The following KCNQ1 variants were observed in gnomAD, a reference collection of about 807,000 sequenced individuals.
The protein encoded by KCNQ1 is potassium voltage-gated channel subfamily KQT member 1.
In KCNQ1, 49 loss-of-function variants were observed where a neutral mutation model predicts 72.4. The observed-to-expected ratio is 0.68, with a 90% CI of 0.54 to 0.86. The LOEUF is 0.86. Among genes scored for constraint, KCNQ1 ranks in the 40% least tolerant of loss-of-function variants. The pLI, the probability that KCNQ1 is intolerant of heterozygous loss-of-function variation, is 0.00. For missense variants in KCNQ1, 790 were observed against 945.1 expected (o/e 0.84, Z 2.15); for synonymous variants, 450 against 412.6 (o/e 1.09, Z -1.10).
rs1170025006 is a variant in KCNQ1 at position 2,830,095 on chromosome 11, GCT to G, written c.1795-17669_1795-17668del. On this transcript the variant is annotated intron_variant, in intron 15 of 15. Transcript: ENST00000155840. This position sits in a 1 kb window ranked among gnomAD's most constrained non-coding sequence, Gnocchi z 7.7. ...AGAGAAGGAAGAGATTGGCCAAGGA[GCT>G]CTGAGAGGGGAAGGTGGGTGCATGC... Among the ~76,000 whole-genome samples, 3 of 151,432 alleles carry G rather than the reference GCT, an allele frequency of 2.0e-5. No individual in the cohort carries two copies. The highest frequency in any genetic ancestry group is 7.3e-5 in the African/African-American group (3 of 41,176).
intron 15 of KCNQ1, among the ~76,000 whole-genome samples, chr11:2,805,015 G>A (rs1847344812): frequency 1.3e-5 from 2 of 152,174 alleles, no homozygotes; most frequent in African/African-American, 2.4e-5. Context: ...AGGCCCCCGG[G>A]GTAAAAATGA....
chr11:2,502,879 CAT>C (rs1404451591), intron 1 of KCNQ1, among the ~76,000 whole-genome samples: 4 of 152,122 alleles, frequency 2.6e-5, no homozygotes, highest in African/African-American at 9.7e-5. Flanking sequence ...CAAACAAATC[CAT>C]ATGTCTACGA....
rs1474116838 is a variant in KCNQ1 at position 2,559,161 on chromosome 11, T to C, written c.478-11467T>C. On this transcript the variant is annotated intron_variant, in intron 2 of 15. Transcript: ENST00000155840. This position sits in a 1 kb window ranked among gnomAD's most constrained non-coding sequence, Gnocchi z 4.9. ...AAGGAGTGTCCCTTGAGCAAAATAT[T>C]GCACTTTCGTTGCTCTCTGAAAGCC... Among the ~76,000 whole-genome samples, 2 of 152,048 alleles carry C rather than the reference T, an allele frequency of 1.3e-5. No homozygotes were observed. The highest frequency in any genetic ancestry group is 4.8e-5 in the African/African-American group (2 of 41,424).
intron 11 of KCNQ1, among the ~76,000 whole-genome samples, chr11:2,718,315 C>T (rs1369935433): frequency 6.6e-6 from 1 of 152,214 alleles, no homozygotes; most frequent in Non-Finnish European, 1.5e-5. Flanking sequence ...CACACTCCAT[C>T]CCTAGCCCCA....
chr11:2,578,105 G>A (rs978686859), intron 6 of KCNQ1, among the ~76,000 whole-genome samples: 5 of 152,242 alleles, frequency 3.3e-5, no homozygotes, highest in Admixed American at 3.3e-4. Context: ...TCTGCAAGGG[G>A]CACCAAAGCA....
chr11:2,845,686 A>G lies in KCNQ1; in HGVS notation c.1795-2081A>G, dbSNP rs547311538. Among the ~76,000 whole-genome samples, 62 of 152,284 alleles carry G rather than the reference A, an allele frequency of 4.1e-4. 1 individual carries two copies. The South Asian group carries it at 0.011, about 27-fold the overall frequency. ...ACTCACCCCATACCTGCAAGGCAGA[A>G]CCACAGGGGAGCCAGGGAGCCTCCA... On this transcript the variant is annotated intron_variant, in intron 15 of 15. Coordinates refer to ENST00000155840, the MANE Select transcript of KCNQ1 (RefSeq NM_000218.3).
At chr11:2,519,110 G>A (rs1181345323) in intron 1 of KCNQ1, among the ~76,000 whole-genome samples, 1 of 152,246 alleles carries the variant, frequency 6.6e-6, no homozygotes, top group East Asian at 1.9e-4. Flanking sequence ...TGGTTGGGGG[G>A]CAGCTGTTGC....
In KCNQ1 at chr11:2,832,531, C is replaced by T. The variant is rs376151941; in HGVS notation, c.1795-15236C>T. Among the ~76,000 whole-genome samples, 19 of 152,352 alleles carry T rather than the reference C, an allele frequency of 1.2e-4. No homozygotes were observed. The East Asian group carries it at 1.5e-3, about 12-fold the overall frequency. On this transcript the variant is annotated intron_variant, in intron 15 of 15. Transcript: ENST00000155840. Reference sequence around the variant, plus strand: ...CTACTGCAAGATCAGGGAGATGGGACGCAGTCCCCGCCCATGCCCAGGGCC... The same window carrying T: ...CTACTGCAAGATCAGGGAGATGGGATGCAGTCCCCGCCCATGCCCAGGGCC...
chr11:2,743,388 C>G (rs113735420), intron 11 of KCNQ1, among the ~76,000 whole-genome samples: 3 of 152,338 alleles, frequency 2.0e-5, no homozygotes, highest in Non-Finnish European at 4.4e-5. Context: ...TCAGAGCAGG[C>G]CCACCACCCA....
rs975967585 is a variant in KCNQ1 at position 2,766,226 on chromosome 11, G to T, written c.1515-2618G>T. Among the ~76,000 whole-genome samples, 1 of 152,178 alleles carries T rather than the reference G, an allele frequency of 6.6e-6. No homozygotes were observed. Among genetic ancestry groups the T allele is most frequent in the African/African-American group, 2.4e-5 (1 of 41,434 alleles). On this transcript the variant is annotated intron_variant, in intron 11 of 15. Coordinates refer to ENST00000155840, the MANE Select transcript of KCNQ1 (RefSeq NM_000218.3). This position sits in a 1 kb window ranked among gnomAD's most constrained non-coding sequence, Gnocchi z 4.4. Reference sequence around the variant, plus strand: ...CTTCATCTAAATATTCTGAAGCAAAGCACAATCATCTGTTAGCTCACAAAT... The same window carrying T: ...CTTCATCTAAATATTCTGAAGCAAATCACAATCATCTGTTAGCTCACAAAT...
chr11:2,529,172 A>G (rs1847566705), intron 2 of KCNQ1, among the ~76,000 whole-genome samples: 1 of 152,182 alleles, frequency 6.6e-6, no homozygotes, highest in Non-Finnish European at 1.5e-5. Context: ...CCAGACGTCC[A>G]GAGGCAGTAG....
intron 10 of KCNQ1, chr11:2,631,446 A>G (rs777123733): frequency 1.3e-5 from 5 of 397,018 alleles, no homozygotes; most frequent in Admixed American, 8.9e-5. Flanking sequence ...TAGGATTTCT[A>G]TTTCTTTATT....
In KCNQ1 at chr11:2,651,333, A is replaced by C; in HGVS notation, c.1394-10628A>C. On this transcript the variant is annotated intron_variant, in intron 10 of 15. Coordinates refer to ENST00000155840, the MANE Select transcript of KCNQ1 (RefSeq NM_000218.3). The surrounding 1 kb of genome is among the most constrained non-coding windows in gnomAD (Gnocchi z 6.1). ...CACAGAACACTCCTCAGAGTTCTAC[A>C]AGCGGCTGAGAGAGCTGGGGTATTT... 1 of 398,744 alleles carries C rather than the reference A, an allele frequency of 2.5e-6. No individual in the cohort carries two copies. The highest frequency in any genetic ancestry group is 4.4e-6 in the Non-Finnish European group (1 of 226,144). The allele number at this position is 398,744 out of a possible 1,614,324, so 24.7% of individuals were successfully genotyped here. A position where few individuals can be genotyped will look rare whatever the true frequency, so the allele number is the denominator to read the frequency against.
In KCNQ1 at chr11:2,767,168, A is replaced by ATGTG. The variant is rs149262552; in HGVS notation, c.1515-1662_1515-1659dup. ...GGCAATAGAGCGAGACTCCATCTATATGTGTGTGTGTGTGTGTATTTTTTT... is the reference window on the plus strand; with the variant it reads ...GGCAATAGAGCGAGACTCCATCTATATGTGTGTGTGTGTGTGTGTGTATTTTTTT... On this transcript the variant is annotated intron_variant, in intron 11 of 15. Coordinates refer to ENST00000155840, the MANE Select transcript of KCNQ1 (RefSeq NM_000218.3). This position sits in a 1 kb window ranked among gnomAD's most constrained non-coding sequence, Gnocchi z 4.6. 8.0e-5 allele frequency among the ~76,000 whole-genome samples: 12 copies of ATGTG among 150,184 alleles called. No homozygotes were observed. The highest frequency in any genetic ancestry group is 1.0e-4 in the Non-Finnish European group (7 of 67,134).
intron 10 of KCNQ1, chr11:2,622,864 T>C (rs979501810): frequency 1.2e-4 from 46 of 398,554 alleles, no homozygotes; most frequent in Non-Finnish European, 9.3e-5. Context: ...TTACAACTTA[T>C]GAATCTGCAT....
rs1222093069 is a variant in KCNQ1, at chr11:2,486,270, G to T, written c.386+40786G>T. Among the ~76,000 whole-genome samples, 1 of 152,072 alleles carries T rather than the reference G, an allele frequency of 6.6e-6. No individual in the cohort carries two copies. ...GTAGTGATGTTGAGTATCTTTTCAT[G>T]CTCTTATTAGCCATTTGTATATCTT... On this transcript the variant is annotated intron_variant, in intron 1 of 15. Coordinates refer to ENST00000155840, the MANE Select transcript of KCNQ1 (RefSeq NM_000218.3). This position sits in a 1 kb window ranked among gnomAD's most constrained non-coding sequence, Gnocchi z 5.0.
chr11:2,594,223 A>AT (rs1848706591), intron 10 of KCNQ1, among the ~76,000 whole-genome samples: 1 of 152,204 alleles, frequency 6.6e-6, no homozygotes, highest in Admixed American at 6.5e-5. Flanking sequence ...ACAGGTTAAT[A>AT]TGTACATTTT....
At chr11:2,672,976 A>C (rs1850213765) in intron 11 of KCNQ1, 1 of 398,664 alleles carries the variant, frequency 2.5e-6, no homozygotes, top group African/African-American at 2.1e-5. Context: ...AGTCCCCTGC[A>C]GGCCTTGCCT....
At chr11:2,587,493 G>C in intron 8 of KCNQ1, 77 bp from the exon 9 acceptor site, 4 of 1,594,710 alleles carry the variant, frequency 2.5e-6, no homozygotes, top group South Asian at 2.2e-5. Flanking sequence ...GGAACAGGGA[G>C]GGGGAGCTGT....
Sources: gnomAD v4.1 joint callset for allele counts (sites outside exome capture counted in the v4.1 genomes callset) on GRCh38, gnomAD v4.1.1 for gene constraint, Gnocchi (gnomAD v3.1) non-coding constraint, MANE v1.5 for transcripts, NCBI Gene and HGNC (gene_info 2026-07-23, HGNC 2026-07-21) for gene names.